EFHC2: variants seen among roughly 807,000 people sequenced by gnomAD.
EFHC2 encodes the protein EF-hand domain containing 2, also known as EF-hand domain-containing family member C2.
Under a neutral mutation model 52.7 loss-of-function variants are expected in EFHC2, and 18 were observed. The ratio of observed to expected loss-of-function variants is 0.34; its 90% CI spans 0.24 to 0.51. EFHC2 has a LOEUF of 0.51. EFHC2 is among the 20% of genes least tolerant of loss of function. The pLI is 0.97. For missense variants in EFHC2, 513 were observed against 562.5 expected, an observed-to-expected ratio of 0.91 and a Z score of 0.89; for synonymous variants, 203 against 204.1, an observed-to-expected ratio of 0.99 and a Z score of 0.04.
chrX:44,308,600 C>A (rs2037923128), intron 2 of EFHC2, among the ~76,000 whole-genome samples: 1 of 111,198 alleles, frequency 9.0e-6, no homozygotes, highest in South Asian at 3.8e-4. Flanking sequence ...TATCCCACAA[C>A]ACTCTACTCA....
intron 13 of EFHC2, among the ~76,000 whole-genome samples, chrX:44,164,725 T>G (rs1254626673): frequency 8.9e-6 from 1 of 112,073 alleles, no homozygotes; most frequent in East Asian, 2.8e-4. Context: ...TTCTGATTTT[T>G]GATTTTTCTT....
chrX:44,152,022 C>T (rs2036574153), intron 14 of EFHC2, among the ~76,000 whole-genome samples: 1 of 111,778 alleles, frequency 8.9e-6, no homozygotes, highest in Non-Finnish European at 1.9e-5. Context: ...TAAGTACCAG[C>T]ATCTCTAATT....
intron 2 of EFHC2, among the ~76,000 whole-genome samples, chrX:44,298,315 G>A (rs1178771925): frequency 8.9e-6 from 1 of 111,760 alleles, no homozygotes; most frequent in Non-Finnish European, 1.9e-5. Flanking sequence ...TCAAAGCTGC[G>A]CCTCAAATCT....
At chrX:44,152,606 C>T (rs1409784396) in intron 14 of EFHC2, among the ~76,000 whole-genome samples, 1 of 110,901 alleles carries the variant, frequency 9.0e-6, no homozygotes, top group East Asian at 2.8e-4. Context: ...ACCATTCAGA[C>T]GGCTGATGGC....
In EFHC2 at chrX:44,174,156, G is replaced by A. The variant is rs374025003; in HGVS notation, c.2042+2136C>T. On this transcript the variant is annotated intron_variant, in intron 13 of 14. Coordinates refer to ENST00000420999, the MANE Select transcript of EFHC2 (RefSeq NM_025184.4). ...TTCTTTGCACCAGGTACTGTGCTGG[G>A]TACTTTATGTATGTTATCTCAATTA... is the stretch of plus-strand genomic sequence containing the variant. 2.0e-4 allele frequency among the ~76,000 whole-genome samples: 22 copies of A among 111,887 alleles called. No homozygotes were observed. In the East Asian group the frequency reaches 3.7e-3, roughly 19 times the overall value.
chrX:44,331,348 T>C (rs2038085279), intron 1 of EFHC2, among the ~76,000 whole-genome samples: 1 of 111,905 alleles, frequency 8.9e-6, no homozygotes, highest in South Asian at 3.7e-4. Context: ...GAAAACAGAT[T>C]CGTTGTTGCC....
At chrX:44,275,839 G>A (rs1363237264) in intron 2 of EFHC2, among the ~76,000 whole-genome samples, 1 of 107,170 alleles carries the variant, frequency 9.3e-6, no homozygotes, top group Non-Finnish European at 1.9e-5. Context: ...GCTTGAACCC[G>A]GGAGGTGGAG....
chrX:44,224,761 C>T (rs896575611), intron 11 of EFHC2, among the ~76,000 whole-genome samples: 12 of 112,384 alleles, frequency 1.1e-4, no homozygotes, highest in African/African-American at 3.9e-4. Flanking sequence ...TGAGAGCTTC[C>T]CCAGGTGGAG....
chrX:44,197,432 G>C (rs899082805), intron 11 of EFHC2, among the ~76,000 whole-genome samples: 2 of 111,929 alleles, frequency 1.8e-5, no homozygotes, highest in East Asian at 2.8e-4. Flanking sequence ...GCAGTGGTAA[G>C]GAACATCTTA....
chrX:44,211,458 G>A (rs1378878111), intron 11 of EFHC2, among the ~76,000 whole-genome samples: 1 of 111,713 alleles, frequency 9.0e-6, no homozygotes, highest in East Asian at 2.8e-4. Context: ...AACCCAGGAG[G>A]CAGAGGTTGC....
rs1454179317 is a variant in EFHC2, at chrX:44,280,662, T to G, written c.232-7826A>C. Among the ~76,000 whole-genome samples, 3 of 112,080 alleles carry G rather than the reference T, an allele frequency of 2.7e-5. No homozygotes were observed. The East Asian group carries it at 8.4e-4, about 31-fold the overall frequency. ...AGATTTCAGTACAACCATACCTGAA[T>G]TTAAAATATTCTTATGTGTTAGCAA... On this transcript the variant is annotated intron_variant, in intron 2 of 14. Transcript: ENST00000420999.
chrX:44,319,641 A>C (rs1032719756), intron 1 of EFHC2, among the ~76,000 whole-genome samples: 1 of 112,397 alleles, frequency 8.9e-6, no homozygotes, highest in Non-Finnish European at 1.9e-5. Flanking sequence ...CAAATCTAAA[A>C]ACACTGTTTT....
At chrX:44,169,908 C>T (rs1037029347) in intron 13 of EFHC2, among the ~76,000 whole-genome samples, 2 of 111,780 alleles carry the variant, frequency 1.8e-5, no homozygotes, top group African/African-American at 6.5e-5. Context: ...TGCAAATGAT[C>T]AATTATGATA....
At chrX:44,225,752 G>C (rs1185418406) in intron 11 of EFHC2, 1 of 112,121 alleles carries the variant, frequency 8.9e-6, no homozygotes, top group African/African-American at 3.2e-5. Flanking sequence ...ACAAATGAGT[G>C]AGATACAGGT....
rs746033075 is a variant in EFHC2 at position 44,336,396 on chromosome X, A to T, written c.42+7151T>A. On this transcript the variant is annotated intron_variant, in intron 1 of 14. Transcript: ENST00000420999. ...TGAGACTCAGTCTCAAAAAAAAAAAAGAGAGAGAGAGAAAAGAGGAGATAC... is the reference window on the plus strand; with the variant it reads ...TGAGACTCAGTCTCAAAAAAAAAAATGAGAGAGAGAGAAAAGAGGAGATAC... Among the ~76,000 whole-genome samples the T allele has an allele frequency of 1.2e-4, 13 of 109,797 alleles. No individual in the cohort carries two copies. The East Asian group carries it at 3.7e-3, about 31-fold the overall frequency.
chrX:44,280,441 CTTAA>C (rs1428699464), intron 2 of EFHC2, among the ~76,000 whole-genome samples: 1 of 111,953 alleles, frequency 8.9e-6, no homozygotes, highest in Non-Finnish European at 1.9e-5. Context: ...TAACATAATA[CTTAA>C]TTAAACTATG....
intron 2 of EFHC2, among the ~76,000 whole-genome samples, chrX:44,302,661 A>C (rs1286759172): frequency 8.9e-6 from 1 of 112,298 alleles, no homozygotes; most frequent in Non-Finnish European, 1.9e-5. Context: ...CTTCTCTAAA[A>C]CTAAATAGCT....
At position 44,257,151 on chromosome X, in the gene EFHC2, AAAT is replaced by A. The variant is rs756641379; in HGVS notation, c.606+3921_606+3923del. ...CTAGGTATTGATGGAACGTATCTCA[AAAT>A]AATAAGAGCTATTTATGACAAACCC... On this transcript the variant is annotated intron_variant, in intron 4 of 14. Coordinates refer to ENST00000420999, the MANE Select transcript of EFHC2 (RefSeq NM_025184.4). Among the ~76,000 whole-genome samples, 14 of 111,815 alleles carry A rather than the reference AAAT, an allele frequency of 1.3e-4. No homozygotes were observed. In the South Asian group the frequency reaches 5.3e-3, roughly 42 times the overall value.
rs757138292 is a variant in EFHC2 at position 44,316,927 on chromosome X, C to T, written c.43-4171G>A. Among the ~76,000 whole-genome samples, 25 of 111,868 alleles carry T rather than the reference C, an allele frequency of 2.2e-4. No homozygotes were observed. In the South Asian group the frequency reaches 8.6e-3, roughly 39 times the overall value. ...AGTTACTACTGTTAGTACTTGAGAC[C>T]GTCATTACAACAGTTACTACTGTTA... is the stretch of plus-strand genomic sequence containing the variant. On this transcript the variant is annotated intron_variant, in intron 1 of 14. Transcript: ENST00000420999.
Sources: allele counts gnomAD v4.1 joint callset (sites outside exome capture counted in the v4.1 genomes callset), GRCh38; gene constraint gnomAD v4.1.1; transcripts MANE v1.5; gene names NCBI Gene and HGNC (gene_info 2026-07-23, HGNC 2026-07-21).